Variants in COL26A1 observed in about 807,000 individuals in gnomAD.
COL26A1 encodes the protein collagen type XXVI alpha 1 chain.
Under a neutral mutation model 59.3 loss-of-function variants are expected in COL26A1, and 41 were observed. The ratio of observed to expected loss-of-function variants is 0.69; its 90% CI spans 0.54 to 0.90. COL26A1 has a LOEUF of 0.90. COL26A1 is among the 40% of genes least tolerant of loss of function. COL26A1 has a pLI of 0.00. For synonymous variants in COL26A1, 266 were observed against 256.0 expected, an observed-to-expected ratio of 1.04 and a Z score of -0.37; for missense variants, 612 against 602.3, an observed-to-expected ratio of 1.02 and a Z score of -0.17.
intron 1 of COL26A1, among the ~76,000 whole-genome samples, chr7:101,412,644 CAAAA>C (rs55967503): frequency 4.5e-4 from 40 of 88,004 alleles, no homozygotes; most frequent in African/African-American, 1.5e-3. Flanking sequence ...GACTCCGTCT[CAAAA>C]AAAAAAAAAA....
At chr7:101,375,338 C>T (rs1275584511) in intron 1 of COL26A1, among the ~76,000 whole-genome samples, 2 of 151,338 alleles carry the variant, frequency 1.3e-5, no homozygotes, top group South Asian at 2.1e-4. Flanking sequence ...AAAGGCTTCT[C>T]TCAGATGGTG....
At chr7:101,444,596 G>A (rs1387025732) in intron 2 of COL26A1, among the ~76,000 whole-genome samples, 1 of 151,930 alleles carries the variant, frequency 6.6e-6, no homozygotes, top group Non-Finnish European at 1.5e-5. Flanking sequence ...TGTATTTTTA[G>A]TAGAGATGGG....
intron 3 of COL26A1, among the ~76,000 whole-genome samples, chr7:101,524,743 G>T (rs559527198): frequency 6.6e-6 from 1 of 152,180 alleles, no homozygotes; most frequent in East Asian, 1.9e-4. Flanking sequence ...TCGTAGGTAG[G>T]AATATGATTG....
intron 2 of COL26A1, among the ~76,000 whole-genome samples, chr7:101,422,109 C>G (rs911687566): frequency 6.6e-6 from 1 of 151,872 alleles, no homozygotes; most frequent in African/African-American, 2.4e-5. Context: ...GTCGGGAGTT[C>G]GAGACTAGCA....
At chr7:101,473,419 C>T (rs1793953073) in intron 3 of COL26A1, among the ~76,000 whole-genome samples, 1 of 152,060 alleles carries the variant, frequency 6.6e-6, no homozygotes, top group Non-Finnish European at 1.5e-5. Flanking sequence ...GCTAGGACCC[C>T]ACCCAGAGGA....
intron 8 of COL26A1, among the ~76,000 whole-genome samples, 168 bp downstream of exon 8, chr7:101,547,407 C>T (rs745857083): frequency 1.9e-4 from 29 of 152,230 alleles, no homozygotes; most frequent in Admixed American, 3.9e-4. Context: ...TGAAGCCCCT[C>T]GTTTCCTAGT....
intron 1 of COL26A1, among the ~76,000 whole-genome samples, chr7:101,386,254 CTTGTT>C (rs1562957456): frequency 7.8e-6 from 1 of 128,750 alleles, no homozygotes; most frequent in East Asian, 2.3e-4. Context: ...CCTGTCCTAG[CTTGTT>C]TTTTTTTTTT....
At chr7:101,489,660 T>TCTTTCTTTCTTTCTTTCTTTCTTC (rs1491503013) in intron 3 of COL26A1, among the ~76,000 whole-genome samples, 1 of 48,630 alleles carries the variant, frequency 2.1e-5, no homozygotes, top group Admixed American at 1.8e-4. Context: ...TTTCTTTCTT[T>TCTTTCTTTCTTTCTTTCTTTCTTC]CTTCCTTCCT....
At chr7:101,431,172 G>C (rs565684967) in intron 2 of COL26A1, among the ~76,000 whole-genome samples, 1 of 152,156 alleles carries the variant, frequency 6.6e-6, no homozygotes, top group Non-Finnish European at 1.5e-5. Flanking sequence ...AATAGGAGTG[G>C]TAAGTGTGGA....
chr7:101,454,708 G>A (rs536296419), intron 3 of COL26A1, among the ~76,000 whole-genome samples: 28 of 152,232 alleles, frequency 1.8e-4, no homozygotes, highest in Non-Finnish European at 2.6e-4. Flanking sequence ...TGTTCCTTGC[G>A]GAGAAAATAT....
At position 101,363,089 on chromosome 7, in the gene COL26A1, G is replaced by T. The variant is rs1401872253; in HGVS notation, c.57G>T (p.Leu19=). The T allele has an allele frequency of 6.4e-7, 1 of 1,574,672 alleles. No individual in the cohort carries two copies. The highest frequency in any genetic ancestry group is 8.6e-7 in the Non-Finnish European group (1 of 1,168,940). The change falls in exon 1 of 13, where the codon CTG becomes CTT. Residue 19 remains leucine, a synonymous_variant. Transcript: ENST00000313669. ...GTTGCTGCCTCTGCGGGTCGGCGCT[G>T]GCCACCGGCTTCCTCTATCCCTTCT... is the stretch of plus-strand genomic sequence containing the variant. ...WACCCLCGSA[L]ATGFLYPFSA...
intron 2 of COL26A1, among the ~76,000 whole-genome samples, chr7:101,436,084 GC>G (rs540191983): frequency 1.1e-3 from 168 of 152,306 alleles, no homozygotes; most frequent in African/African-American, 3.9e-3. Context: ...AGCAGTGGGG[GC>G]CTGTCTGGGC....
intron 3 of COL26A1, among the ~76,000 whole-genome samples, chr7:101,491,697 G>A (rs1431569151): frequency 6.6e-6 from 1 of 152,152 alleles, no homozygotes; most frequent in Non-Finnish European, 1.5e-5. Context: ...TGGGAGTGTA[G>A]CGGTGAGGAC....
intron 3 of COL26A1, among the ~76,000 whole-genome samples, chr7:101,480,962 C>G (rs531648221): frequency 6.6e-6 from 1 of 152,294 alleles, no homozygotes; most frequent in East Asian, 1.9e-4. Context: ...GTAAGGCACT[C>G]CAGAATATCC....
At chr7:101,413,151 C>T (rs943526612) in intron 1 of COL26A1, among the ~76,000 whole-genome samples, 6 of 152,180 alleles carry the variant, frequency 3.9e-5, no homozygotes, top group Non-Finnish European at 7.3e-5. Flanking sequence ...TGCAAGCAAG[C>T]CTTGAGCTGG....
At position 101,370,175 on chromosome 7, in the gene COL26A1, T is replaced by G. The variant is rs1791156989; in HGVS notation, c.158+6985T>G. 1.3e-5 allele frequency among the ~76,000 whole-genome samples: 2 copies of G among 151,950 alleles called. 1 individual carries two copies. The highest frequency in any genetic ancestry group is 4.2e-4 in the South Asian group (2 of 4,816). ...CGCGCCTGGCCTGAAGAGGACATTT[T>G]AAATGATGCTGGTTGATATGGCCTT... On this transcript the variant is annotated intron_variant, in intron 1 of 12. Transcript: ENST00000313669.
At chr7:101,387,763 TATATATATATA>T (rs1471992355) in intron 1 of COL26A1, among the ~76,000 whole-genome samples, 4,581 of 64,548 alleles carry the variant, frequency 0.071, 178 homozygotes, top group South Asian at 0.14. Context: ...TTTATATATA[TATATATATATA>T]TATATTTTTT....
At chr7:101,463,864 T>TTC (rs2130437028) in intron 3 of COL26A1, among the ~76,000 whole-genome samples, 1 of 120,476 alleles carries the variant, frequency 8.3e-6, no homozygotes, top group African/African-American at 3.8e-5. Context: ...TTTTTCTCTT[T>TTC]TTTCTTTTCT....
intron 3 of COL26A1, among the ~76,000 whole-genome samples, chr7:101,468,903 G>C (rs147146666): frequency 2.0e-5 from 3 of 152,320 alleles, no homozygotes; most frequent in Non-Finnish European, 4.4e-5. Context: ...CTCCCATTAA[G>C]CAGCTAGATG....
Sources: allele counts gnomAD v4.1 joint callset (sites outside exome capture counted in the v4.1 genomes callset), GRCh38; gene constraint gnomAD v4.1.1; transcripts MANE v1.5; gene names NCBI Gene and HGNC (gene_info 2026-07-23, HGNC 2026-07-21).